RBMS3: variants seen among roughly 807,000 people sequenced by gnomAD.
RBMS3 encodes the protein RNA-binding motif, single-stranded-interacting protein 3.
In RBMS3, 27 loss-of-function variants were observed where a neutral mutation model predicts 66.8. The observed-to-expected ratio is 0.40, with a 90% CI of 0.30 to 0.56. The LOEUF is 0.56. RBMS3 is among the 20% of genes least tolerant of loss of function. The probability of loss-of-function intolerance (pLI) is 0.40; values close to 1 mark genes in which losing one functional copy is unlikely to be tolerated. For missense variants in RBMS3, 513 were observed against 549.5 expected, an observed-to-expected ratio of 0.93 and a Z score of 0.66; for synonymous variants, 188 against 183.0, an observed-to-expected ratio of 1.03 and a Z score of -0.22.
At chr3:29,800,167 C>T (rs979796156) in intron 6 of RBMS3, among the ~76,000 whole-genome samples, 5 of 152,100 alleles carry the variant, frequency 3.3e-5, no homozygotes, top group African/African-American at 1.2e-4. Flanking sequence ...TATTCACTCC[C>T]TGCCCTTTTG....
intron 3 of RBMS3, among the ~76,000 whole-genome samples, chr3:29,535,926 A>T (rs1325444656): frequency 6.6e-6 from 1 of 151,778 alleles, no homozygotes; most frequent in Non-Finnish European, 1.5e-5. Context: ...CATACATTTC[A>T]GAATAAGTAG....
intron 4 of RBMS3, chr3:29,698,296 G>A: frequency 1.0e-6 from 1 of 985,402 alleles, no homozygotes; most frequent in Non-Finnish European, 1.2e-6. Flanking sequence ...CCTGGTGAGG[G>A]AGGCAAACAG....
At chr3:29,325,663 C>CAT (rs71091052) in intron 1 of RBMS3, among the ~76,000 whole-genome samples, 1 of 124,954 alleles carries the variant, frequency 8.0e-6, no homozygotes, top group Non-Finnish European at 1.8e-5. Context: ...CACACACACA[C>CAT]ATACACACAC....
intron 6 of RBMS3, among the ~76,000 whole-genome samples, chr3:29,814,651 A>G (rs1183539785): frequency 6.6e-6 from 1 of 152,158 alleles, no homozygotes; most frequent in Non-Finnish European, 1.5e-5. Flanking sequence ...TATTGCCACA[A>G]TTTCAGCTCC....
intron 6 of RBMS3, among the ~76,000 whole-genome samples, chr3:29,776,231 ATT>A (rs1377761399): frequency 1.3e-5 from 2 of 152,094 alleles, no homozygotes; most frequent in South Asian, 2.1e-4. Flanking sequence ...CCCTTTATGA[ATT>A]TAATTTCTGG....
At chr3:29,472,097 T>G (rs957805048) in intron 2 of RBMS3, among the ~76,000 whole-genome samples, 1 of 152,124 alleles carries the variant, frequency 6.6e-6, no homozygotes, top group African/African-American at 2.4e-5. Context: ...CAGTGTATAG[T>G]TTGTATTTTC....
intron 6 of RBMS3, among the ~76,000 whole-genome samples, chr3:29,791,493 TG>T (rs147670927): frequency 0.096 from 14,547 of 152,250 alleles, 761 homozygotes; most frequent in East Asian, 0.16. Flanking sequence ...AGCTTCTCAA[TG>T]TTTTTTTCGT....
Position 29,338,538 on chromosome 3 carries a change from C to A in RBMS3, c.75+56782C>A, listed in dbSNP as rs549344544. ...ATTCTCAGATTTCTGCTCAGACTTACTGAATCAGAAACACAGTGGGTGGAG... is the reference window on the plus strand; with the variant it reads ...ATTCTCAGATTTCTGCTCAGACTTAATGAATCAGAAACACAGTGGGTGGAG... On this transcript the variant is annotated intron_variant, in intron 1 of 14. Transcript: ENST00000383767. Among the ~76,000 whole-genome samples, 3 of 152,272 alleles carry A rather than the reference C, an allele frequency of 2.0e-5. No individual in the cohort carries two copies. The South Asian group carries it at 6.2e-4, about 32-fold the overall frequency.
At chr3:29,827,561 G>A (rs370533588) in intron 6 of RBMS3, among the ~76,000 whole-genome samples, 64 of 152,004 alleles carry the variant, frequency 4.2e-4, no homozygotes, top group African/African-American at 1.3e-3. Flanking sequence ...CTCCTGACTC[G>A]TTTGTTGCTA....
chr3:29,932,235 C>A (rs769426792), intron 10 of RBMS3, among the ~76,000 whole-genome samples: 3 of 152,098 alleles, frequency 2.0e-5, no homozygotes, highest in Non-Finnish European at 4.4e-5. Context: ...GCAGGCTTAG[C>A]CCCTTTGAAT....
At chr3:29,750,300 T>C (rs1317525131) in intron 5 of RBMS3, among the ~76,000 whole-genome samples, 1 of 152,200 alleles carries the variant, frequency 6.6e-6, no homozygotes, top group Non-Finnish European at 1.5e-5. Context: ...GAATGGACTA[T>C]AGCTGATTAT....
intron 6 of RBMS3, among the ~76,000 whole-genome samples, chr3:29,777,071 A>T (rs980398270): frequency 5.3e-5 from 8 of 152,012 alleles, no homozygotes; most frequent in African/African-American, 1.9e-4. Context: ...TTCCCAGCAT[A>T]TCATTGCACC....
At chr3:29,353,346 G>A (rs1225206722) in intron 1 of RBMS3, among the ~76,000 whole-genome samples, 3 of 151,938 alleles carry the variant, frequency 2.0e-5, no homozygotes, top group African/African-American at 7.2e-5. Context: ...AAATAAACCA[G>A]ATATTTTTAT....
chr3:29,596,562 T>C (rs1316615627), intron 4 of RBMS3, among the ~76,000 whole-genome samples: 1 of 152,234 alleles, frequency 6.6e-6, no homozygotes, highest in African/African-American at 2.4e-5. Flanking sequence ...TTATTCCAAT[T>C]GTACAGGTGA....
chr3:29,454,726 T>C (rs1179791007), intron 2 of RBMS3, among the ~76,000 whole-genome samples: 1 of 152,190 alleles, frequency 6.6e-6, no homozygotes, highest in Non-Finnish European at 1.5e-5. Context: ...TGCCTTTTCT[T>C]TGATTCGATA....
intron 1 of RBMS3, among the ~76,000 whole-genome samples, chr3:29,301,086 A>C (rs1186621391): frequency 6.6e-6 from 1 of 151,958 alleles, no homozygotes; most frequent in Non-Finnish European, 1.5e-5. Flanking sequence ...TTAATTATGT[A>C]ACAATGAGGT....
intron 2 of RBMS3, among the ~76,000 whole-genome samples, chr3:29,469,768 G>A (rs1489732281): frequency 1.3e-5 from 2 of 151,230 alleles, no homozygotes; most frequent in Non-Finnish European, 3.0e-5. Flanking sequence ...CAGATAAAAT[G>A]TCTGTGGGGA....
intron 3 of RBMS3, among the ~76,000 whole-genome samples, chr3:29,580,977 A>T (rs1220734531): frequency 6.6e-6 from 1 of 151,862 alleles, no homozygotes. Context: ...TTCTGTATCA[A>T]CTCCCTGCAT....
At chr3:29,817,410 G>A (rs1047969341) in intron 6 of RBMS3, among the ~76,000 whole-genome samples, 36 of 151,944 alleles carry the variant, frequency 2.4e-4, no homozygotes, top group Middle Eastern at 6.8e-3. Flanking sequence ...TTACCATGTT[G>A]GCCAGGCTGA....
Sources: allele counts gnomAD v4.1 joint callset (sites outside exome capture counted in the v4.1 genomes callset), GRCh38; gene constraint gnomAD v4.1.1; transcripts MANE v1.5; gene names NCBI Gene and HGNC (gene_info 2026-07-23, HGNC 2026-07-21).